The following YTHDF1 variants were observed in gnomAD, a reference collection of about 807,000 sequenced individuals.
YTHDF1 encodes the protein YTH N6-methyladenosine RNA binding protein F1.
A neutral mutation model predicts 49.1 loss-of-function variants in YTHDF1; 16 were observed. The observed-to-expected ratio is 0.33, with a 90% CI of 0.22 to 0.49. The LOEUF (loss-of-function observed/expected upper bound fraction) is 0.49, where lower values mean the gene tolerates loss of function less well. Ranked by LOEUF, YTHDF1 falls within the 20% of genes least tolerant of loss-of-function variation. YTHDF1 has a pLI of 0.99. For missense variants in YTHDF1, 621 were observed against 744.3 expected, an observed-to-expected ratio of 0.83 and a Z score of 1.93; for synonymous variants, 313 against 290.1, an observed-to-expected ratio of 1.08 and a Z score of -0.80.
chr20:63,213,064 C>G lies in YTHDF1; in HGVS notation c.132+800G>C, dbSNP rs957322867. Among the ~76,000 whole-genome samples, 4 of 152,236 alleles carry G rather than the reference C, an allele frequency of 2.6e-5. No individual in the cohort carries two copies. In the East Asian group the frequency reaches 7.7e-4, roughly 29 times the overall value. ...CAATTCTACAAACAGTTACTACTCT[C>G]TCTCTTCTACAGAAAAGGAAATTGA... On this transcript the variant is annotated intron_variant, in intron 3 of 4. Coordinates refer to ENST00000370339, the MANE Select transcript of YTHDF1 (RefSeq NM_017798.4).
At chr20:63,214,305 G>A (rs972571378) in intron 2 of YTHDF1, among the ~76,000 whole-genome samples, 1 of 152,212 alleles carries the variant, frequency 6.6e-6, no homozygotes, top group African/African-American at 2.4e-5. Flanking sequence ...AATGCAGAAT[G>A]TATGCCCAAA....
In YTHDF1 at chr20:63,196,753, A is replaced by G. The variant is rs1349412609; in HGVS notation, c.1654-19T>C. ...GCCGTTCCTGTAAAAAGAAAAAACA[A>G]AAGTTGAACGCAGAGTAACCACACC... On this transcript the variant is annotated intron_variant, in intron 4 of 4. Coordinates refer to ENST00000370339, the MANE Select transcript of YTHDF1 (RefSeq NM_017798.4). The G allele has an allele frequency of 1.2e-6, 2 of 1,613,812 alleles. No homozygotes were observed. Among genetic ancestry groups the G allele is most frequent in the Non-Finnish European group, 1.7e-6 (2 of 1,179,960 alleles).
intron 3 of YTHDF1, among the ~76,000 whole-genome samples, chr20:63,207,423 C>G (rs1014106432): frequency 1.3e-5 from 2 of 151,790 alleles, no homozygotes; most frequent in African/African-American, 2.4e-5. Context: ...GAGCCGAGAT[C>G]GAGCCACTGC....
intron 4 of YTHDF1, among the ~76,000 whole-genome samples, chr20:63,198,937 C>G (rs540694823): frequency 3.3e-5 from 5 of 152,160 alleles, no homozygotes; most frequent in Non-Finnish European, 5.9e-5. Context: ...AATGTATCAA[C>G]CCAGGACTTG....
chr20:63,215,483 G>A (rs2066597176), intron 2 of YTHDF1, 94 bp downstream of exon 2: 2 of 1,555,900 alleles, frequency 1.3e-6, no homozygotes, highest in African/African-American at 1.4e-5. Flanking sequence ...GCGGAAGAGA[G>A]AAAGTTTCCG....
In YTHDF1 at chr20:63,215,923, G is replaced by T; in HGVS notation, c.-31C>A. 7.3e-7 allele frequency: 1 copy of T among 1,367,354 alleles called. No individual in the cohort carries two copies. The highest frequency in any genetic ancestry group is 9.5e-7 in the Non-Finnish European group (1 of 1,054,502). 84.7% of individuals were successfully genotyped at this position (1,367,354 alleles called of 1,614,324 possible). A position where few individuals can be genotyped will look rare whatever the true frequency, so the allele number is the denominator to read the frequency against. ...ATGAACAACTAGACGCGGGGCCGGG[G>T]CGCCCGCCGGCTCGGGCCTCCCCTA... On this transcript the variant is annotated 5_prime_UTR_variant, in exon 1 of 5. Transcript: ENST00000370339.
At chr20:63,200,940 A>G (rs1206288820) in intron 4 of YTHDF1, among the ~76,000 whole-genome samples, 7 of 152,048 alleles carry the variant, frequency 4.6e-5, no homozygotes, top group Admixed American at 4.6e-4. Flanking sequence ...AGCTACCTGG[A>G]AGGCTAAGGC....
At chr20:63,205,516 C>T (rs59905350) in intron 3 of YTHDF1, among the ~76,000 whole-genome samples, 4,038 of 148,808 alleles carry the variant, frequency 0.027, 174 homozygotes, top group African/African-American at 0.093. Flanking sequence ...GAACCCCCCC[C>T]TTTTTTTTTT....
intron 4 of YTHDF1, among the ~76,000 whole-genome samples, chr20:63,199,989 G>A (rs191983148): frequency 3.3e-5 from 5 of 152,320 alleles, no homozygotes; most frequent in Admixed American, 2.6e-4. Flanking sequence ...AGGAGGTCAA[G>A]GCTACAACAA....
Position 63,216,002 on chromosome 20 carries a change from C to G in YTHDF1, c.-110G>C. ...CGGCCCCGGGCCCCGCCGCCAATTC[C>G]CCGGGCGCCGGCCGGGCGGCGGCGG... On this transcript the variant is annotated 5_prime_UTR_variant, in exon 1 of 5. Coordinates refer to ENST00000370339, the MANE Select transcript of YTHDF1 (RefSeq NM_017798.4). The G allele has an allele frequency of 9.7e-7, 1 of 1,026,100 alleles. No homozygotes were observed. 63.6% of individuals were successfully genotyped at this position (1,026,100 alleles called of 1,614,324 possible).
chr20:63,211,135 T>C lies in YTHDF1; in HGVS notation c.132+2729A>G, dbSNP rs576706850. Among the ~76,000 whole-genome samples, 621 of 150,622 alleles carry C rather than the reference T, an allele frequency of 4.1e-3. 6 individuals carry two copies. Among genetic ancestry groups the C allele is most frequent in the African/African-American group, 0.015 (601 of 41,040 alleles). ...CAAAACACGGTAGCCTCCAACTGGC[T>C]ACTACAAACCATATCTAGATTTTTC... On this transcript the variant is annotated intron_variant, in intron 3 of 4. Transcript: ENST00000370339.
chr20:63,206,595 G>A lies in YTHDF1; in HGVS notation c.133-2788C>T, dbSNP rs539420879. Among the ~76,000 whole-genome samples, 7 of 152,304 alleles carry A rather than the reference G, an allele frequency of 4.6e-5. No individual in the cohort carries two copies. The South Asian group carries it at 1.2e-3, about 27-fold the overall frequency. The stretch of plus-strand genomic sequence containing the variant: ...ATCCTGAGCCACAGAAGACGGTGAC[G>A]CTAATCAGCTCTGCTGGCAGCCCTA... On this transcript the variant is annotated intron_variant, in intron 3 of 4. Transcript: ENST00000370339.
At chr20:63,199,847 C>A (rs1252634830) in intron 4 of YTHDF1, among the ~76,000 whole-genome samples, 1 of 151,726 alleles carries the variant, frequency 6.6e-6, no homozygotes, top group Non-Finnish European at 1.5e-5. Context: ...CTGTTTGAGC[C>A]CAGGAGTTCA....
At chr20:63,206,274 A>G (rs1193062534) in intron 3 of YTHDF1, among the ~76,000 whole-genome samples, 1 of 152,264 alleles carries the variant, frequency 6.6e-6, no homozygotes, top group Non-Finnish European at 1.5e-5. Flanking sequence ...CTTGGCCCCA[A>G]CACCAACCAG....
In YTHDF1 at chr20:63,203,502, C is replaced by G; in HGVS notation, c.438G>C (p.Ala146=). The G allele has an allele frequency of 6.2e-7, 1 of 1,613,770 alleles. No homozygotes were observed. The highest frequency in any genetic ancestry group is 2.2e-5 in the East Asian group (1 of 44,874). ...GGGGGTAGGTGTAGCTGCTCCCATA[C>G]GCGGAGCTCTGGGTCTGCTGACCTT... ...GSQGQQTQSS[A]YGSSYTYPPS... The change falls in exon 4 of 5, where the codon GCG becomes GCC. Residue 146 remains alanine, a synonymous_variant. Coordinates refer to ENST00000370339, the MANE Select transcript of YTHDF1 (RefSeq NM_017798.4). The surrounding 1 kb of genome is among the most constrained non-coding windows in gnomAD (Gnocchi z 4.4).
chr20:63,197,636 C>T (rs1177663870), intron 4 of YTHDF1, among the ~76,000 whole-genome samples: 2 of 152,074 alleles, frequency 1.3e-5, no homozygotes, highest in African/African-American at 2.4e-5. Context: ...CCCAGCTATT[C>T]GGGAGGCTGA....
intron 2 of YTHDF1, among the ~76,000 whole-genome samples, chr20:63,214,657 C>G (rs1411149686): frequency 1.3e-5 from 2 of 152,052 alleles, no homozygotes; most frequent in East Asian, 1.9e-4. Flanking sequence ...AAGAGACAAA[C>G]GGCTGCATTC....
At chr20:63,201,718 G>A (rs1601232427) in intron 4 of YTHDF1, among the ~76,000 whole-genome samples, 1 of 152,210 alleles carries the variant, frequency 6.6e-6, no homozygotes, top group East Asian at 1.9e-4. Context: ...GAGTGAGTTT[G>A]TTTCCAAAAA....
chr20:63,201,477 G>A (rs989512592), intron 4 of YTHDF1, among the ~76,000 whole-genome samples: 1 of 152,142 alleles, frequency 6.6e-6, no homozygotes, highest in African/African-American at 2.4e-5. Context: ...CCCATTGCTG[G>A]TGCCAGTTTA....
Sources: allele counts gnomAD v4.1 joint callset (sites outside exome capture counted in the v4.1 genomes callset), GRCh38; gene constraint gnomAD v4.1.1; non-coding constraint Gnocchi (gnomAD v3.1); transcripts MANE v1.5; gene names NCBI Gene and HGNC (gene_info 2026-07-23, HGNC 2026-07-21).